Variants in HS3ST3B1 observed in about 807,000 individuals in gnomAD.
HS3ST3B1 encodes the protein heparan sulfate glucosamine 3-O-sulfotransferase 3B1.
Under a neutral mutation model 21.3 loss-of-function variants are expected in HS3ST3B1, and 13 were observed. The observed-to-expected ratio is 0.61, with a 90% CI of 0.40 to 0.97. HS3ST3B1 has a LOEUF of 0.97. Among genes scored for constraint, HS3ST3B1 ranks in the 50% least tolerant of loss-of-function variants. The probability of loss-of-function intolerance (pLI) is 0.00; values close to 1 mark genes in which losing one functional copy is unlikely to be tolerated. For missense variants in HS3ST3B1, 459 were observed against 554.8 expected, an observed-to-expected ratio of 0.83 and a Z score of 1.73; for synonymous variants, 234 against 254.8, an observed-to-expected ratio of 0.92 and a Z score of 0.78.
chr17:14,336,454 C>T (rs9890916), intron 1 of HS3ST3B1, among the ~76,000 whole-genome samples: 15,363 of 152,162 alleles, frequency 0.1, 941 homozygotes, highest in African/African-American at 0.17. Flanking sequence ...TAATTTCCTA[C>T]GCCTTTAGCC....
intron 1 of HS3ST3B1, among the ~76,000 whole-genome samples, chr17:14,318,081 C>A (rs1476544468): frequency 1.3e-5 from 2 of 152,132 alleles, no homozygotes; most frequent in Admixed American, 6.6e-5. Context: ...CCACACACCC[C>A]CTCCCTGCTG....
rs1017915599 is a variant in HS3ST3B1 at position 14,346,828 on chromosome 17, G to C, written c.*1182G>C. On this transcript the variant is annotated 3_prime_UTR_variant, in exon 2 of 2. Transcript: ENST00000360954. ...ACACACCAAAGAATCCCGTAGGCTA[G>C]CAGAGCCACCAGCACAAACCAAGGG... 6.6e-6 allele frequency: 1 copy of C among 152,234 alleles called. No homozygotes were observed. Among genetic ancestry groups the C allele is most frequent in the African/African-American group, 2.4e-5 (1 of 41,430 alleles). 9.4% of individuals were successfully genotyped at this position (152,234 alleles called of 1,614,324 possible). A position where few individuals can be genotyped will look rare whatever the true frequency, so the allele number is the denominator to read the frequency against.
Position 14,346,320 on chromosome 17 carries a change from T to C in HS3ST3B1, c.*674T>C, listed in dbSNP as rs1166875209. On this transcript the variant is annotated 3_prime_UTR_variant, in exon 2 of 2. Transcript: ENST00000360954. ...CAGGCTGGGGCGTAATGGTGTGATATATGCTTACCACAACCTCTGGCTCCC... is the reference window on the plus strand; with the variant it reads ...CAGGCTGGGGCGTAATGGTGTGATACATGCTTACCACAACCTCTGGCTCCC... The C allele has an allele frequency of 6.8e-6, 1 of 147,774 alleles. No homozygotes were observed. Among genetic ancestry groups the C allele is most frequent in the Non-Finnish European group, 1.5e-5 (1 of 67,620 alleles). 9.2% of individuals were successfully genotyped at this position (147,774 alleles called of 1,614,324 possible). A position where few individuals can be genotyped will look rare whatever the true frequency, so the allele number is the denominator to read the frequency against.
At chr17:14,333,603 G>A (rs1910091082) in intron 1 of HS3ST3B1, among the ~76,000 whole-genome samples, 1 of 152,090 alleles carries the variant, frequency 6.6e-6, no homozygotes, top group Non-Finnish European at 1.5e-5. Context: ...TGTGGGTGAG[G>A]GGGCGGGGTA....
chr17:14,334,366 T>C (rs559091382), intron 1 of HS3ST3B1, among the ~76,000 whole-genome samples: 3 of 152,132 alleles, frequency 2.0e-5, no homozygotes, highest in East Asian at 1.9e-4. Context: ...TATTGAGATA[T>C]GGTCTCACTA....
Position 14,345,426 on chromosome 17 carries a change from A to G in HS3ST3B1, c.953A>G (p.Lys318Arg), listed in dbSNP as rs1437370236. 6.8e-6 allele frequency: 9 copies of G among 1,332,228 alleles called. No individual in the cohort carries two copies. The highest frequency in any genetic ancestry group is 1.3e-5 in the South Asian group (1 of 78,636). 82.5% of individuals were successfully genotyped at this position (1,332,228 alleles called of 1,614,324 possible). A position where few individuals can be genotyped will look rare whatever the true frequency, so the allele number is the denominator to read the frequency against. Residue 318 changes from lysine (K) to arginine (R), a missense_variant, in exon 2 of 2, where the codon AAG becomes AGG. By Grantham distance (26) the Lys-to-Arg change is conservative (BLOSUM62 2). Transcript: ENST00000360954. ...LGRVQDFLGL[K>R]RIITDKHFYF... ...CGCGTGCAAGACTTCCTGGGCCTCA[A>G]GAGGATCATCACGGACAAGCACTTC...
chr17:14,342,998 C>T (rs948767097), intron 1 of HS3ST3B1, among the ~76,000 whole-genome samples: 6 of 152,216 alleles, frequency 3.9e-5, no homozygotes, highest in Non-Finnish European at 4.4e-5. Context: ...AATCCCAGCA[C>T]TTTGGGAGGC....
At chr17:14,330,545 T>C (rs74737400) in intron 1 of HS3ST3B1, among the ~76,000 whole-genome samples, 2,040 of 112,810 alleles carry the variant, frequency 0.018, 57 homozygotes, top group African/African-American at 0.073. Flanking sequence ...CTCTCCTGGT[T>C]TCCCGGTGTG....
chr17:14,301,908 T>G lies in HS3ST3B1; in HGVS notation c.390T>G (p.Ser130Arg). The change falls in exon 1 of 2, where the codon AGT (serine) becomes AGG (arginine). Residue 130 changes from serine to arginine, a missense_variant. Transcript: ENST00000360954. ...CAAGCCCCATCTCCAGCTTTTTCAG[T>G]GGGTCTGGGAGCAAGCAGCTGCCGC... The part of the protein sequence containing the change: ...DSPSPISSFF[S>R]GSGSKQLPQA... 1.2e-6 allele frequency: 2 copies of G among 1,609,618 alleles called. No homozygotes were observed. The highest frequency in any genetic ancestry group is 1.7e-4 in the Middle Eastern group (1 of 6,040).
intron 1 of HS3ST3B1, among the ~76,000 whole-genome samples, chr17:14,335,817 C>A (rs1910170443): frequency 1.3e-5 from 2 of 152,136 alleles, no homozygotes; most frequent in South Asian, 4.1e-4. Context: ...TCAAAGGGAA[C>A]TTGTAAAATC....
intron 1 of HS3ST3B1, chr17:14,328,649 C>G (rs1270089688): frequency 6.6e-6 from 1 of 152,170 alleles, no homozygotes; most frequent in Non-Finnish European, 1.5e-5. Flanking sequence ...GTAGCCTTTT[C>G]TTTGTCTGTA....
At chr17:14,310,883 A>G in intron 1 of HS3ST3B1, among the ~76,000 whole-genome samples, 1 of 152,158 alleles carries the variant, frequency 6.6e-6, no homozygotes, top group Non-Finnish European at 1.5e-5. Context: ...GTTCCCACCG[A>G]AGATCCCCAA....
Position 14,349,171 on chromosome 17 carries a change from T to C in HS3ST3B1, c.*3525T>C, listed in dbSNP as rs917932689. ...TGTTTTCTCACTTTTGTGACATTAA[T>C]TTATCACTGAGTCTCATTCAACCAA... On this transcript the variant is annotated 3_prime_UTR_variant, in exon 2 of 2. Coordinates refer to ENST00000360954, the MANE Select transcript of HS3ST3B1 (RefSeq NM_006041.3). The C allele has an allele frequency of 2.0e-5, 3 of 152,230 alleles. No individual in the cohort carries two copies. Among genetic ancestry groups the C allele is most frequent in the Middle Eastern group, 3.2e-3 (1 of 316 alleles). 9.4% of individuals were successfully genotyped at this position (152,230 alleles called of 1,614,324 possible). A position where few individuals can be genotyped will look rare whatever the true frequency, so the allele number is the denominator to read the frequency against.
chr17:14,329,363 AAGAAAAGG>A (rs1429417808), intron 1 of HS3ST3B1: 37 of 110,812 alleles, frequency 3.3e-4, no homozygotes, highest in African/African-American at 1.3e-3. Context: ...GAAAGAAAGA[AAGAAAAGG>A]AAGGAAGGAA....
At chr17:14,307,455 A>G (rs1341939822) in intron 1 of HS3ST3B1, among the ~76,000 whole-genome samples, 1 of 151,982 alleles carries the variant, frequency 6.6e-6, no homozygotes, top group African/African-American at 2.4e-5. Flanking sequence ...TCAATATGTC[A>G]TATAACGTCA....
chr17:14,342,096 T>C (rs1371285251), intron 1 of HS3ST3B1, among the ~76,000 whole-genome samples: 3 of 152,220 alleles, frequency 2.0e-5, no homozygotes, highest in Middle Eastern at 3.2e-3. Context: ...CTCTAGGGAA[T>C]TGCCTTTTCT....
chr17:14,309,861 G>A (rs1156578588), intron 1 of HS3ST3B1, among the ~76,000 whole-genome samples: 1 of 152,198 alleles, frequency 6.6e-6, no homozygotes, highest in African/African-American at 2.4e-5. Flanking sequence ...ATTTACAGCC[G>A]AAGAGGACAC....
intron 1 of HS3ST3B1, among the ~76,000 whole-genome samples, chr17:14,335,643 G>T (rs937456284): frequency 2.8e-4 from 42 of 151,702 alleles, no homozygotes; most frequent in African/African-American, 9.9e-4. Flanking sequence ...GCAGAGAGCC[G>T]AGATCGCACC....
In HS3ST3B1 at chr17:14,327,162, G is replaced by A. The variant is rs146431359; in HGVS notation, c.555-17866G>A. ...CTTCATCATTATGACAAATATTAAA[G>A]TTGAATTCGAGTTTCCTTTCCTCTT... On this transcript the variant is annotated intron_variant, in intron 1 of 1. Coordinates refer to ENST00000360954, the MANE Select transcript of HS3ST3B1 (RefSeq NM_006041.3). Among the ~76,000 whole-genome samples the A allele has an allele frequency of 3.3e-3, 502 of 152,244 alleles. 7 individuals are homozygous for A. Among genetic ancestry groups the A allele is most frequent in the African/African-American group, 0.012 (481 of 41,534 alleles).
Sources: gnomAD v4.1 joint callset for allele counts (sites outside exome capture counted in the v4.1 genomes callset) on GRCh38, gnomAD v4.1.1 for gene constraint, MANE v1.5 for transcripts, NCBI Gene and HGNC (gene_info 2026-07-23, HGNC 2026-07-21) for gene names.